MAP2: variants seen among roughly 807,000 people sequenced by gnomAD.
MAP2 encodes the protein microtubule associated protein 2.
Under a neutral mutation model 137.6 loss-of-function variants are expected in MAP2, and 14 were observed. That is an observed-to-expected ratio of 0.10 (90% CI 0.07 to 0.16). MAP2 has a LOEUF of 0.16. Among genes scored for constraint, MAP2 ranks in the 10% least tolerant of loss-of-function variants. The pLI is 1.00. For missense variants in MAP2, 2,088 were observed against 2,191.5 expected (o/e 0.95, Z 0.94); for synonymous variants, 786 against 782.3 (o/e 1.00, Z -0.08).
intron 3 of MAP2, among the ~76,000 whole-genome samples, chr2:209,593,630 AAAAAATATATATATATATATATAT>A (rs2079954299): frequency 1.6e-5 from 1 of 63,268 alleles, no homozygotes; most frequent in South Asian, 4.8e-4. Context: ...AAAAAAAAAA[AAAAAATATATATATATATATATAT>A]ATATATATAT....
At chr2:209,618,544 A>G (rs2090220756) in intron 3 of MAP2, among the ~76,000 whole-genome samples, 2 of 152,132 alleles carry the variant, frequency 1.3e-5, no homozygotes, top group Admixed American at 6.6e-5. Context: ...CTCCTACCAC[A>G]TGAACCTGGG....
intron 3 of MAP2, among the ~76,000 whole-genome samples, chr2:209,582,842 A>G (rs892688189): frequency 3.9e-5 from 6 of 152,112 alleles, no homozygotes; most frequent in Non-Finnish European, 5.9e-5. Context: ...GACGGACAGT[A>G]TCCTAAGTCC....
intron 6 of MAP2, among the ~76,000 whole-genome samples, chr2:209,679,997 T>A (rs1364344160): frequency 2.0e-5 from 3 of 152,144 alleles, no homozygotes; most frequent in Non-Finnish European, 4.4e-5. Flanking sequence ...CTTTTGAAAT[T>A]TCTTACTGTC....
At chr2:209,546,042 C>T (rs1418883779) in intron 2 of MAP2, among the ~76,000 whole-genome samples, 1 of 152,116 alleles carries the variant, frequency 6.6e-6, no homozygotes, top group African/African-American at 2.4e-5. Context: ...ACTTGGGAGG[C>T]TGAGGCAGGA....
intron 11 of MAP2, chr2:209,704,616 A>T (rs1374814372): frequency 1.2e-6 from 2 of 1,602,064 alleles, no homozygotes; most frequent in Non-Finnish European, 1.7e-6. Flanking sequence ...AAATCAGGGA[A>T]CAAGGTAAGG....
At chr2:209,495,409 G>A (rs1270680957) in intron 1 of MAP2, among the ~76,000 whole-genome samples, 1 of 152,236 alleles carries the variant, frequency 6.6e-6, no homozygotes, top group Admixed American at 6.5e-5. Context: ...TCCCAGTAGG[G>A]GATGACAGAC....
chr2:209,472,638 G>A (rs369660114), intron 1 of MAP2, among the ~76,000 whole-genome samples: 4 of 152,030 alleles, frequency 2.6e-5, no homozygotes, highest in African/African-American at 9.7e-5. Context: ...GAGAAGTTAA[G>A]CACTAATTAC....
At chr2:209,662,967 T>TAC (rs1004290839) in intron 5 of MAP2, among the ~76,000 whole-genome samples, 6 of 152,202 alleles carry the variant, frequency 3.9e-5, no homozygotes, top group South Asian at 2.1e-4. Context: ...TATATATATA[T>TAC]ACACACATAT....
chr2:209,569,394 C>G (rs1244432846), intron 2 of MAP2, among the ~76,000 whole-genome samples: 7 of 151,740 alleles, frequency 4.6e-5, no homozygotes, highest in Non-Finnish European at 1.0e-4. Flanking sequence ...AGACCTAGTT[C>G]TAGGTATTTG....
At chr2:209,583,426 A>G (rs372973163) in intron 3 of MAP2, among the ~76,000 whole-genome samples, 12 of 152,234 alleles carry the variant, frequency 7.9e-5, no homozygotes, top group African/African-American at 2.9e-4. Context: ...AAAATTAGAG[A>G]ATCCAAGTGC....
chr2:209,533,696 T>C (rs182769710), intron 2 of MAP2, among the ~76,000 whole-genome samples: 30 of 152,328 alleles, frequency 2.0e-4, no homozygotes, highest in African/African-American at 7.0e-4. Flanking sequence ...TACTTATGCT[T>C]CTGGTTCAGA....
In MAP2 at chr2:209,695,035, A is replaced by G; in HGVS notation, c.2865A>G (p.Lys955=). ...GLSKEFDQEK[K]ANDRLDTVLE... is the part of the protein sequence containing the mutation. ...GTAAGGAGTTTGACCAAGAGAAGAA[A>G]GCTAATGATAGGTTGGATACTGTAC... Residue 955 remains lysine (K), a synonymous_variant, in exon 8 of 16, where the codon AAA becomes AAG. Coordinates refer to ENST00000682079, the MANE Select transcript of MAP2 (RefSeq NM_001375505.1). 6.2e-7 allele frequency: 1 copy of G among 1,614,184 alleles called. No individual in the cohort carries two copies. Among genetic ancestry groups the G allele is most frequent in the East Asian group, 2.2e-5 (1 of 44,864 alleles).
chr2:209,680,204 T>G (rs2053934103), intron 6 of MAP2, among the ~76,000 whole-genome samples: 1 of 152,180 alleles, frequency 6.6e-6, no homozygotes, highest in Non-Finnish European at 1.5e-5. Flanking sequence ...TTTCCATTTC[T>G]GAGAATACAT....
At chr2:209,463,934 TTA>T (rs1703497394) in intron 1 of MAP2, among the ~76,000 whole-genome samples, 1 of 152,082 alleles carries the variant, frequency 6.6e-6, no homozygotes, top group Non-Finnish European at 1.5e-5. Flanking sequence ...GTCGCTAGAT[TTA>T]GAGTGGTTTA....
chr2:209,588,269 A>G (rs1252737811), intron 3 of MAP2, among the ~76,000 whole-genome samples: 1 of 152,224 alleles, frequency 6.6e-6, no homozygotes, highest in East Asian at 1.9e-4. Context: ...CTGGTCTTCC[A>G]AGATTGTCTC....
chr2:209,648,153 G>A (rs2153597381), intron 4 of MAP2, among the ~76,000 whole-genome samples: 1 of 150,510 alleles, frequency 6.6e-6, no homozygotes, highest in East Asian at 2.0e-4. Context: ...CCAGGCTGGA[G>A]TGCAATGGTG....
chr2:209,659,157 GTGGTA>G (rs1197643970), intron 5 of MAP2, among the ~76,000 whole-genome samples: 1 of 152,094 alleles, frequency 6.6e-6, no homozygotes, highest in Non-Finnish European at 1.5e-5. Context: ...ACCTCAAGAA[GTGGTA>G]TGGATTTTTT....
chr2:209,694,908 C>T lies in MAP2; in HGVS notation c.2738C>T (p.Ser913Leu), dbSNP rs1424119999. The T allele has an allele frequency of 4.3e-6, 7 of 1,614,028 alleles. 1 individual carries two copies. The highest frequency in any genetic ancestry group is 1.3e-5 in the African/African-American group (1 of 74,914). Residue 913 changes from serine (S) to leucine (L), a missense_variant, in exon 8 of 16, where the codon TCA (serine) becomes TTA (leucine). By Grantham distance (145) the Ser-to-Leu change is moderately radical. Around this residue, in one of 6 missense-constraint regions of MAP2, gnomAD observed 500 missense variants for 482.9 expected, o/e 1.04. Coordinates refer to ENST00000682079, the MANE Select transcript of MAP2 (RefSeq NM_001375505.1). ...KVRRDLATDL[S>L]LIEVKLAAAG... Reference sequence around the variant, plus strand: ...CGAAGAGATTTGGCCACAGACCTTTCACTGATTGAAGTGAAACTGGCAGCA... The same window carrying T: ...CGAAGAGATTTGGCCACAGACCTTTTACTGATTGAAGTGAAACTGGCAGCA...
intron 12 of MAP2, 60 bp downstream of exon 12, chr2:209,705,787 A>T: frequency 3.1e-6 from 4 of 1,280,004 alleles, no homozygotes; most frequent in Non-Finnish European, 4.4e-6. Context: ...TAAGTGGAAT[A>T]GCACTTATAT....
Sources: gnomAD v4.1 joint callset for allele counts (sites outside exome capture counted in the v4.1 genomes callset) on GRCh38, gnomAD v4.1.1 for gene constraint, gnomAD v4.1.1 regional missense constraint, MANE v1.5 for transcripts, NCBI Gene and HGNC (gene_info 2026-07-23, HGNC 2026-07-21) for gene names.